The following P2RY12 variants were observed in gnomAD, a reference collection of about 807,000 sequenced individuals.
P2RY12 encodes P2Y purinoceptor 12.
P2RY12 carries 3 observed loss-of-function variants against 4.5 expected under a neutral mutation model. That is an observed-to-expected ratio of 0.67 (90% confidence interval 0.31 to 1.74). The LOEUF (loss-of-function observed/expected upper bound fraction) is 1.74, where lower values mean the gene tolerates loss of function less well. Among genes scored for constraint, P2RY12 ranks in the 40% most tolerant of loss-of-function variants. The probability of loss-of-function intolerance (pLI) is 0.09; values close to 1 mark genes in which losing one functional copy is unlikely to be tolerated. For missense variants in P2RY12, 356 were observed against 407.8 expected (o/e 0.87, Z 1.09); for synonymous variants, 148 against 154.1 (o/e 0.96, Z 0.29).
intron 1 of P2RY12, among the ~76,000 whole-genome samples, chr3:151,348,735 GAAAGACAGACCGACAC>G (rs951966687): frequency 1.3e-5 from 2 of 152,178 alleles, no homozygotes; most frequent in African/African-American, 2.4e-5. Context: ...GTGTCCCTGA[GAAAGACAGACCGACAC>G]AAAGACTGAG....
intron 1 of P2RY12, among the ~76,000 whole-genome samples, chr3:151,344,953 AATAAAG>A (rs1752348179): frequency 6.6e-6 from 1 of 152,218 alleles, no homozygotes; most frequent in Non-Finnish European, 1.5e-5. Flanking sequence ...ATTTTAAAGA[AATAAAG>A]ATGAATTAGA....
At chr3:151,339,463 T>C (rs918715505) in intron 2 of P2RY12, among the ~76,000 whole-genome samples, 2 of 151,982 alleles carry the variant, frequency 1.3e-5, no homozygotes, top group Admixed American at 1.3e-4. Context: ...TTTTTCTTTA[T>C]ATTTGGAAGA....
Position 151,376,648 on chromosome 3 carries a change from T to C in P2RY12, c.-180+8044A>G, listed in dbSNP as rs1244907922. On this transcript the variant is annotated intron_variant, in intron 1 of 2. Coordinates refer to ENST00000302632, the MANE Select transcript of P2RY12 (RefSeq NM_022788.5). ...GGTTTGTATCGCTACTGAATATATATGCAGCAAGATTGGGAACCTTTTGAC... is the reference window on the plus strand; with the variant it reads ...GGTTTGTATCGCTACTGAATATATACGCAGCAAGATTGGGAACCTTTTGAC... The C allele has an allele frequency of 2.4e-5, 16 of 659,182 alleles. No homozygotes were observed. In the Admixed American group the frequency reaches 3.9e-4, roughly 16 times the overall value. The allele number at this position is 659,182 out of a possible 1,614,324, so 40.8% of individuals were successfully genotyped here.
intron 1 of P2RY12, among the ~76,000 whole-genome samples, chr3:151,346,750 G>A (rs1032856792): frequency 6.6e-6 from 1 of 151,962 alleles, no homozygotes. Flanking sequence ...TAATGTGAAG[G>A]TTTTGCACCC....
At chr3:151,366,217 G>T (rs767933406) in intron 1 of P2RY12, among the ~76,000 whole-genome samples, 3 of 152,102 alleles carry the variant, frequency 2.0e-5, no homozygotes, top group Non-Finnish European at 2.9e-5. Context: ...TAGCAGAGGG[G>T]CCAAGAATTT....
chr3:151,383,687 A>G, intron 1 of P2RY12: 2 of 765,214 alleles, frequency 2.6e-6, no homozygotes, highest in South Asian at 3.8e-5. Flanking sequence ...GTTTTTTTAA[A>G]TAAAAAACAA....
Position 151,337,381 on chromosome 3 carries a change from C to A in P2RY12, c.*436G>T. The A allele has an allele frequency of 6.0e-6, 1 of 167,748 alleles. No homozygotes were observed. Among genetic ancestry groups the A allele is most frequent in the Non-Finnish European group, 1.3e-5 (1 of 77,468 alleles). 10.4% of individuals were successfully genotyped at this position (167,748 alleles called of 1,614,324 possible). ...AATAGGTCAGGATTTGGTTAGGGGA[C>A]TAGGATATATATACATTTTAACTAT... On this transcript the variant is annotated 3_prime_UTR_variant, in exon 3 of 3. Transcript: ENST00000302632.
At chr3:151,355,548 T>C (rs575648227) in intron 1 of P2RY12, among the ~76,000 whole-genome samples, 11 of 152,332 alleles carry the variant, frequency 7.2e-5, no homozygotes, top group Admixed American at 3.9e-4. Context: ...CTGTTGATGA[T>C]TGAAATAAAA....
At chr3:151,350,347 C>A (rs969308471) in intron 1 of P2RY12, 2 of 666,764 alleles carry the variant, frequency 3.0e-6, no homozygotes, top group African/African-American at 1.8e-5. Flanking sequence ...TGTGAACAAG[C>A]ACATTTAAAT....
intron 1 of P2RY12, among the ~76,000 whole-genome samples, chr3:151,342,451 C>T (rs1464802173): frequency 1.3e-5 from 2 of 152,204 alleles, no homozygotes; most frequent in Non-Finnish European, 2.9e-5. Flanking sequence ...AGCAGCAGCT[C>T]TGCATCACTT....
At chr3:151,344,296 AC>A (rs1223024491) in intron 1 of P2RY12, among the ~76,000 whole-genome samples, 1 of 69,706 alleles carries the variant, frequency 1.4e-5, no homozygotes, top group Non-Finnish European at 2.6e-5. Flanking sequence ...ATGTATAGTT[AC>A]TAATGATTAA....
At chr3:151,363,773 A>G (rs1415734531) in intron 1 of P2RY12, among the ~76,000 whole-genome samples, 1 of 152,156 alleles carries the variant, frequency 6.6e-6, no homozygotes, top group Non-Finnish European at 1.5e-5. Flanking sequence ...TACGGACTCT[A>G]TACACCCACA....
intron 1 of P2RY12, among the ~76,000 whole-genome samples, chr3:151,354,140 CAA>C (rs63033360): frequency 0.025 from 1,596 of 62,668 alleles, 1 homozygote; most frequent in South Asian, 0.049. Context: ...GACTCCGTCT[CAA>C]AAAAAAAAAA....
chr3:151,379,488 A>C (rs780981336), intron 1 of P2RY12, among the ~76,000 whole-genome samples: 1 of 152,166 alleles, frequency 6.6e-6, no homozygotes, highest in Non-Finnish European at 1.5e-5. Flanking sequence ...ATGCCTTGAC[A>C]CCTCTTTACC....
intron 1 of P2RY12, chr3:151,377,116 A>G: frequency 6.2e-7 from 1 of 1,614,082 alleles, no homozygotes; most frequent in South Asian, 1.1e-5. Flanking sequence ...TCTTCAACCC[A>G]AACAGTATTG....
At chr3:151,377,229 C>T (rs745759214) in intron 1 of P2RY12, 59 of 1,497,664 alleles carry the variant, frequency 3.9e-5, no homozygotes, top group South Asian at 1.4e-4. Context: ...TCACAAGTAA[C>T]GGTAAATTTT....
At chr3:151,384,383 C>T (rs555911242) in intron 1 of P2RY12, among the ~76,000 whole-genome samples, 1 of 152,292 alleles carries the variant, frequency 6.6e-6, no homozygotes, top group East Asian at 1.9e-4. Context: ...CCAGAAGTTA[C>T]ATGCACATAA....
chr3:151,351,681 AG>A (rs1313766031), intron 1 of P2RY12, among the ~76,000 whole-genome samples: 1 of 152,188 alleles, frequency 6.6e-6, no homozygotes. Flanking sequence ...GCAATGGGGT[AG>A]GGGGGAGTCA....
intron 1 of P2RY12, among the ~76,000 whole-genome samples, chr3:151,353,378 C>A (rs1252564115): frequency 6.6e-6 from 1 of 152,174 alleles, no homozygotes; most frequent in Non-Finnish European, 1.5e-5. Context: ...AAATTTCATA[C>A]ATAATTTGTA....
Sources: allele counts gnomAD v4.1 joint callset (sites outside exome capture counted in the v4.1 genomes callset), GRCh38; gene constraint gnomAD v4.1.1; transcripts MANE v1.5; gene names NCBI Gene and HGNC (gene_info 2026-07-23, HGNC 2026-07-21).